The following RBM12 variants were observed in gnomAD, a reference collection of about 807,000 sequenced individuals.
RBM12 encodes RNA-binding protein 12.
A neutral mutation model predicts 37.2 loss-of-function variants in RBM12; 24 were observed. The observed-to-expected ratio is 0.65, with a 90% CI of 0.47 to 0.91. RBM12 has a LOEUF of 0.91. Among genes scored for constraint, RBM12 ranks in the 40% least tolerant of loss-of-function variants. RBM12 has a pLI of 0.00. For synonymous variants in RBM12, 420 were observed against 425.2 expected (o/e 0.99, Z 0.15); for missense variants, 1,061 against 1,183.2 (o/e 0.90, Z 1.52).
intron 1 of RBM12, 93 bp downstream of exon 1, chr20:35,664,667 G>C (rs978091274): frequency 6.6e-6 from 1 of 152,454 alleles, no homozygotes; most frequent in African/African-American, 2.4e-5. Flanking sequence ...GTTGCCGCGG[G>C]CTCGAAGGCC....
At position 35,652,829 on chromosome 20, in the gene RBM12, C is replaced by T. The variant is rs747299609; in HGVS notation, c.2494G>A (p.Gly832Ser). ...PPAFGPGPGP[G>S]PGPGPIHIGG... ...ATATGGATTGGGCCAGGGCCGGGGC[C>T]GGGGCCGGGGCCAGGCCCAAAAGCT... Residue 832 changes from glycine (G) to serine (S), a missense_variant, in exon 3 of 3, where the codon GGC (glycine) becomes AGC (serine). Gly to Ser is a moderately conservative substitution (Grantham distance 56). Coordinates refer to ENST00000374114, the MANE Select transcript of RBM12 (RefSeq NM_006047.6). 6.2e-6 allele frequency: 10 copies of T among 1,604,332 alleles called. No individual in the cohort carries two copies. Among genetic ancestry groups the T allele is most frequent in the Non-Finnish European group, 8.5e-6 (10 of 1,175,148 alleles).
chr20:35,652,914 C>T lies in RBM12; in HGVS notation c.2409G>A (p.Pro803=), dbSNP rs149878650. 3,433 of 1,613,718 alleles carry T rather than the reference C, an allele frequency of 2.1e-3. 129 individuals carry two copies. In the Admixed American group the frequency reaches 0.054, roughly 25 times the overall value. The part of the protein sequence containing the change: ...GNGPGSLGGP[P]GFGSGPPGLG... The stretch of plus-strand genomic sequence containing the variant: ...GACCAGGAGGGCCACTTCCAAACCC[C>T]GGGGGACCGCCTAAGCTACCAGGGC... Residue 803 remains proline (P), a synonymous_variant, in exon 3 of 3, where the codon CCG becomes CCA. Transcript: ENST00000374114.
Position 35,650,873 on chromosome 20 carries a change from G to A in RBM12, c.*1651C>T, listed in dbSNP as rs2033459511. On this transcript the variant is annotated 3_prime_UTR_variant, in exon 3 of 3. Transcript: ENST00000374114. Reference sequence around the variant, plus strand: ...TTAATAGGAAATACTTATTTTAAAAGACTGACCCCTTTGTAACTACGCTGA... The same window carrying A: ...TTAATAGGAAATACTTATTTTAAAAAACTGACCCCTTTGTAACTACGCTGA... 6.6e-6 allele frequency: 1 copy of A among 152,566 alleles called. No individual in the cohort carries two copies. The allele number at this position is 152,566 out of a possible 1,614,324, so 9.5% of individuals were successfully genotyped here.
rs567534728 is a variant in RBM12 at position 35,650,812 on chromosome 20, T to C, written c.*1712A>G. The C allele has an allele frequency of 1.3e-4, 20 of 152,712 alleles. No homozygotes were observed. The highest frequency in any genetic ancestry group is 4.6e-4 in the African/African-American group (19 of 41,550). The allele number at this position is 152,712 out of a possible 1,614,324, so 9.5% of individuals were successfully genotyped here. ...CGCTGTATTTCAGTGTTCCACTGACTCACAACACCAAAAAGGCACTGTATA... is the reference window on the plus strand; with the variant it reads ...CGCTGTATTTCAGTGTTCCACTGACCCACAACACCAAAAAGGCACTGTATA... On this transcript the variant is annotated 3_prime_UTR_variant, in exon 3 of 3. Transcript: ENST00000374114.
rs773054156 is a variant in RBM12, at chr20:35,653,209, T to G, written c.2114A>C (p.His705Pro). 4 of 1,613,524 alleles carry G rather than the reference T, an allele frequency of 2.5e-6. No homozygotes were observed. The highest frequency in any genetic ancestry group is 4.5e-5 in the East Asian group (2 of 44,888). The change falls in exon 3 of 3, where the codon CAT (histidine) becomes CCT (proline). Residue 705 changes from histidine (H) to proline (P), a missense_variant. Physicochemically the swap from His to Pro is moderately conservative, Grantham distance 77 (BLOSUM62 -2). Coordinates refer to ENST00000374114, the MANE Select transcript of RBM12 (RefSeq NM_006047.6). ...AGIPSAGGEEHAFLTVGSKEA... is the reference protein window; with the variant it reads ...AGIPSAGGEEPAFLTVGSKEA... ...CTTTGATCCTACAGTCAGGAAGGCATGCTCTTCACCTCCTGCACTAGGTAT... is the reference window on the plus strand; with the variant it reads ...CTTTGATCCTACAGTCAGGAAGGCAGGCTCTTCACCTCCTGCACTAGGTAT...
intron 1 of RBM12, among the ~76,000 whole-genome samples, chr20:35,662,735 ATC>A (rs766695763): frequency 3.3e-5 from 5 of 152,204 alleles, no homozygotes; most frequent in Non-Finnish European, 7.3e-5. Flanking sequence ...GGCCCACAAC[ATC>A]AAGTTTCACA....
Position 35,652,745 on chromosome 20 carries a change from C to G in RBM12, c.2578G>C (p.Val860Leu). 6.2e-7 allele frequency: 1 copy of G among 1,613,510 alleles called. No homozygotes were observed. The highest frequency in any genetic ancestry group is 8.5e-7 in the Non-Finnish European group (1 of 1,179,626). Residue 860 changes from valine (V) to leucine (L), a missense_variant, in exon 3 of 3, where the codon GTG (valine) becomes CTG (leucine). Val to Leu is a conservative substitution (Grantham distance 32, BLOSUM62 1). Transcript: ENST00000374114. ...SGKPGPTVIKVQNMPFTVSID... is the reference protein window; with the variant it reads ...SGKPGPTVIKLQNMPFTVSID... Reference sequence around the variant, plus strand: ...GACACAGTAAAGGGCATGTTTTGCACTTTAATTACTGTCGGTCCTGGTTTT... The same window carrying G: ...GACACAGTAAAGGGCATGTTTTGCAGTTTAATTACTGTCGGTCCTGGTTTT...
intron 2 of RBM12, 21 bp from the exon 3 acceptor site, chr20:35,655,365 C>T (rs980233605): frequency 6.4e-6 from 10 of 1,559,320 alleles, no homozygotes; most frequent in Admixed American, 3.6e-5. Context: ...GAAAAGGCAA[C>T]GGCCAGGTCA....
At chr20:35,658,715 G>A (rs60351499) in intron 2 of RBM12, among the ~76,000 whole-genome samples, 10,247 of 151,706 alleles carry the variant, frequency 0.068, 424 homozygotes, top group South Asian at 0.18. Context: ...AGCCGAGATG[G>A]CACCACTGCA....
At position 35,652,982 on chromosome 20, in the gene RBM12, CA is replaced by C; in HGVS notation, c.2340del (p.Ser780ArgfsTer20). On this transcript the variant is annotated frameshift_variant, in exon 3 of 3. Coordinates refer to ENST00000374114, the MANE Select transcript of RBM12 (RefSeq NM_006047.6). LOFTEE classifies it high-confidence loss of function. ...GGGCCCCCTCCAAATCCCGATGGCC[CA>C]CTTAAATTGTTTGGTCCACCTCCAA... ...PGFGGGPNNL[S>X]GPSGFGGGPQ... 1 of 1,613,822 alleles carries C rather than the reference CA, an allele frequency of 6.2e-7. No individual in the cohort carries two copies. Among genetic ancestry groups the C allele is most frequent in the Non-Finnish European group, 8.5e-7 (1 of 1,180,018 alleles).
Position 35,653,399 on chromosome 20 carries a change from G to A in RBM12, c.1924C>T (p.Pro642Ser), listed in dbSNP as rs755662068. The A allele has an allele frequency of 1.9e-6, 3 of 1,614,130 alleles. No individual in the cohort carries two copies. The highest frequency in any genetic ancestry group is 2.5e-6 in the Non-Finnish European group (3 of 1,180,012). The part of the protein sequence containing the change: ...PAQGKKGLKM[P>S]VPGNPAVPGM... ...GGAACTGCAGGATTACCTGGCACAG[G>A]CATCTTTAATCCCTTTTTTCCTTGG... Residue 642 changes from proline (P) to serine (S), a missense_variant, in exon 3 of 3, where the codon CCT becomes TCT. By Grantham distance (74) the Pro-to-Ser change is moderately conservative. Transcript: ENST00000374114.
rs1331830694 is a variant in RBM12, at chr20:35,653,147, T to C, written c.2176A>G (p.Asn726Asp). The change falls in exon 3 of 3, where the codon AAT becomes GAT. Residue 726 changes from asparagine to aspartate, a missense_variant. Physicochemically the swap from Asn to Asp is conservative, Grantham distance 23 (BLOSUM62 1). Around this residue, in one of 3 missense-constraint regions of RBM12, gnomAD observed 517 missense variants for 534.0 expected, o/e 0.97. Coordinates refer to ENST00000374114, the MANE Select transcript of RBM12 (RefSeq NM_006047.6). ...CCAAAGGCATTTGATCCACCAAAAT[T>C]ACCAGGAAAGTTAAATGGAGGCCCA... ...NNGPPFNFPGNFGGSNAFGPP... is the reference protein window; with the variant it reads ...NNGPPFNFPGDFGGSNAFGPP... 1 of 1,613,592 alleles carries C rather than the reference T, an allele frequency of 6.2e-7. No individual in the cohort carries two copies. The highest frequency in any genetic ancestry group is 8.5e-7 in the Non-Finnish European group (1 of 1,180,018).
chr20:35,657,525 CA>C (rs1442446953), intron 2 of RBM12, among the ~76,000 whole-genome samples: 1 of 152,008 alleles, frequency 6.6e-6, no homozygotes. Context: ...GATATAGTCC[CA>C]AGAACACAAA....
rs1435154481 is a variant in RBM12, at chr20:35,649,776, G to A, written c.*2748C>T. ...AACACCAATAAAAAAAAAATCAGAA[G>A]GGAGAGGAAAAAAAATTAAATCTAA... On this transcript the variant is annotated 3_prime_UTR_variant, in exon 3 of 3. Transcript: ENST00000374114. 1 of 151,934 alleles carries A rather than the reference G, an allele frequency of 6.6e-6. No homozygotes were observed. Among genetic ancestry groups the A allele is most frequent in the African/African-American group, 2.4e-5 (1 of 41,310 alleles). The allele number at this position is 151,934 out of a possible 1,614,324, so 9.4% of individuals were successfully genotyped here.
At position 35,652,562 on chromosome 20, in the gene RBM12, G is replaced by A; in HGVS notation, c.2761C>T (p.Pro921Ser). The change falls in exon 3 of 3, where the codon CCT (proline) becomes TCT (serine). Residue 921 changes from proline (P) to serine (S), a missense_variant. Pro to Ser is a moderately conservative substitution (Grantham distance 74). Coordinates refer to ENST00000374114, the MANE Select transcript of RBM12 (RefSeq NM_006047.6). ...AGTTTTACTTTTCTTGAACCTATAG[G>A]CCTGTCATTTAAGTCAATGACAGCA... ...TAAVIDLNDR[P>S]IGSRKVKLVL... is the part of the protein sequence containing the mutation. The A allele has an allele frequency of 6.2e-7, 1 of 1,613,832 alleles. No homozygotes were observed. The highest frequency in any genetic ancestry group is 8.5e-7 in the Non-Finnish European group (1 of 1,179,926).
chr20:35,652,929 G>C lies in RBM12; in HGVS notation c.2394C>G (p.Ser798Arg). The C allele has an allele frequency of 6.2e-7, 1 of 1,613,782 alleles. No homozygotes were observed. Among genetic ancestry groups the C allele is most frequent in the Non-Finnish European group, 8.5e-7 (1 of 1,180,034 alleles). The change falls in exon 3 of 3, where the codon AGC becomes AGG. Residue 798 changes from serine (S) to arginine (R), a missense_variant. Ser to Arg is a moderately radical substitution (Grantham distance 110). Coordinates refer to ENST00000374114, the MANE Select transcript of RBM12 (RefSeq NM_006047.6). ...TTCCAAACCCCGGGGGACCGCCTAAGCTACCAGGGCCATTTCCAAAATTCT... is the reference window on the plus strand; with the variant it reads ...TTCCAAACCCCGGGGGACCGCCTAACCTACCAGGGCCATTTCCAAAATTCT... ...GPQNFGNGPG[S>R]LGGPPGFGSG...
Position 35,659,112 on chromosome 20 carries a change from C to T in RBM12, c.-107-98G>A, listed in dbSNP as rs1162256881. 10 of 496,722 alleles carry T rather than the reference C, an allele frequency of 2.0e-5. No homozygotes were observed. In the East Asian group the frequency reaches 2.0e-4, roughly 10 times the overall value. 30.8% of individuals were successfully genotyped at this position (496,722 alleles called of 1,614,324 possible). A position where few individuals can be genotyped will look rare whatever the true frequency, so the allele number is the denominator to read the frequency against. Reference sequence around the variant, plus strand: ...CATTACGAAGGCGAGTCTGAAACCACCAGAGTACTTCATTAGAATGCATAT... The same window carrying T: ...CATTACGAAGGCGAGTCTGAAACCATCAGAGTACTTCATTAGAATGCATAT... On this transcript the variant is annotated intron_variant, in intron 1 of 2. Transcript: ENST00000374114.
chr20:35,655,600 A>C (rs2033850077), intron 2 of RBM12, among the ~76,000 whole-genome samples: 1 of 152,152 alleles, frequency 6.6e-6, no homozygotes, highest in African/African-American at 2.4e-5. Context: ...TTCAAGAAAA[A>C]ACAACTGTAG....
At chr20:35,661,111 A>ACCCAC (rs1321295485) in intron 1 of RBM12, among the ~76,000 whole-genome samples, 1 of 152,240 alleles carries the variant, frequency 6.6e-6, no homozygotes, top group East Asian at 1.9e-4. Flanking sequence ...AAAGAGGAAT[A>ACCCAC]CCCACCCCAC....
Sources: allele counts gnomAD v4.1 joint callset (sites outside exome capture counted in the v4.1 genomes callset), GRCh38; gene constraint gnomAD v4.1.1; regional missense constraint gnomAD v4.1.1; transcripts MANE v1.5; gene names NCBI Gene and HGNC (gene_info 2026-07-23, HGNC 2026-07-21).